Variants in RALGAPA1 observed in about 807,000 individuals in gnomAD.
RALGAPA1 encodes Ral GTPase activating protein catalytic subunit alpha 1, also known as ral GTPase-activating protein subunit alpha-1.
RALGAPA1 carries 52 observed loss-of-function variants against 269.6 expected under a neutral mutation model. The observed-to-expected ratio is 0.19, with a 90% CI of 0.15 to 0.24. The LOEUF (loss-of-function observed/expected upper bound fraction) is 0.24. RALGAPA1 is among the 10% of genes least tolerant of loss of function. The probability of loss-of-function intolerance (pLI) is 1.00; values close to 1 mark genes in which losing one functional copy is unlikely to be tolerated. For missense variants in RALGAPA1, 1,917 were observed against 3,013.9 expected, an observed-to-expected ratio of 0.64 and a Z score of 8.52; for synonymous variants, 817 against 1,008.3, an observed-to-expected ratio of 0.81 and a Z score of 3.60.
intron 39 of RALGAPA1, among the ~76,000 whole-genome samples, chr14:35,563,280 T>C (rs1263981228): frequency 2.0e-5 from 3 of 152,076 alleles, no homozygotes; most frequent in Non-Finnish European, 4.4e-5. Flanking sequence ...GTTTTTTTTC[T>C]TTTAAAACAA....
At chr14:35,581,842 C>T (rs1364343389) in intron 37 of RALGAPA1, among the ~76,000 whole-genome samples, 1 of 152,114 alleles carries the variant, frequency 6.6e-6, no homozygotes, top group African/African-American at 2.4e-5. Flanking sequence ...CAGAAAGCTA[C>T]ATATACAATT....
At chr14:35,796,995 G>A (rs1467563094) in intron 1 of RALGAPA1, among the ~76,000 whole-genome samples, 1 of 151,926 alleles carries the variant, frequency 6.6e-6, no homozygotes, top group Non-Finnish European at 1.5e-5. Flanking sequence ...CACCGTGTTA[G>A]CCAGGATGGT....
At chr14:35,754,187 T>C (rs986885200) in intron 7 of RALGAPA1, among the ~76,000 whole-genome samples, 1 of 152,150 alleles carries the variant, frequency 6.6e-6, no homozygotes, top group African/African-American at 2.4e-5. Flanking sequence ...GACATTTGAT[T>C]AGGCAAAGAT....
chr14:35,766,658 A>C, intron 4 of RALGAPA1: 1 of 695,586 alleles, frequency 1.4e-6, no homozygotes, highest in South Asian at 1.4e-5. Context: ...TTGTAAGAGG[A>C]AGAATTCTCT....
chr14:35,539,842 C>T (rs2053805879), intron 41 of RALGAPA1, 152 bp from the exon 42 acceptor site: 1 of 1,111,890 alleles, frequency 9.0e-7, no homozygotes, highest in Non-Finnish European at 1.3e-6. Context: ...GTTACAATAG[C>T]CTACTAATGT....
At chr14:35,631,494 G>T (rs1012561327) in intron 33 of RALGAPA1, among the ~76,000 whole-genome samples, 3 of 152,034 alleles carry the variant, frequency 2.0e-5, no homozygotes, top group African/African-American at 7.2e-5. Flanking sequence ...TAAAATTTTT[G>T]ATATAGAAAA....
At chr14:35,738,392 C>T in intron 12 of RALGAPA1, 121 bp downstream of exon 12, 1 of 545,210 alleles carries the variant, frequency 1.8e-6, no homozygotes, top group Non-Finnish European at 2.9e-6. Flanking sequence ...TAAAATATGG[C>T]ATAATGATAA....
Position 35,627,890 on chromosome 14 carries a change from C to T in RALGAPA1, c.6057G>A (p.Leu2019=). The change falls in exon 34 of 42, where the codon CTG becomes CTA. Residue 2019 remains leucine, a synonymous_variant. Transcript: ENST00000680220. ...TTGGATAATGGCCCAGGTGATTTAC[C>T]AGATGTGTAATAACAGTGCGGGCTG... ...SIAARTVITH[L]VNHLGHYPMS... The T allele has an allele frequency of 1.3e-6, 2 of 1,564,238 alleles. No homozygotes were observed. The highest frequency in any genetic ancestry group is 1.9e-5 in the Admixed American group (1 of 52,492).
intron 35 of RALGAPA1, among the ~76,000 whole-genome samples, chr14:35,618,904 T>G (rs1020506941): frequency 1.3e-5 from 2 of 152,084 alleles, no homozygotes; most frequent in African/African-American, 2.4e-5. Flanking sequence ...CTATAATTAC[T>G]AATGGGAAGA....
intron 35 of RALGAPA1, among the ~76,000 whole-genome samples, chr14:35,619,330 T>C (rs999442419): frequency 1.3e-5 from 2 of 152,162 alleles, no homozygotes; most frequent in Non-Finnish European, 2.9e-5. Flanking sequence ...AAACATCTTA[T>C]GTACCCCATT....
intron 36 of RALGAPA1, among the ~76,000 whole-genome samples, 165 bp downstream of exon 36, chr14:35,605,421 A>G (rs949162011): frequency 3.3e-5 from 5 of 152,168 alleles, no homozygotes; most frequent in African/African-American, 1.2e-4. Flanking sequence ...CAAAGTCCCA[A>G]CTGCTGCTGT....
chr14:35,796,665 T>C (rs1004541660), intron 1 of RALGAPA1, among the ~76,000 whole-genome samples: 1 of 151,598 alleles, frequency 6.6e-6, no homozygotes, highest in Non-Finnish European at 1.5e-5. Context: ...AAAAGTAAGA[T>C]ACAGATAATA....
chr14:35,621,528 T>C (rs1031202777), intron 35 of RALGAPA1, among the ~76,000 whole-genome samples: 7 of 152,072 alleles, frequency 4.6e-5, no homozygotes, highest in Non-Finnish European at 7.4e-5. Flanking sequence ...CTGATTAAAC[T>C]AAAGAGCTTC....
At chr14:35,759,860 C>T (rs2073549452) in intron 6 of RALGAPA1, among the ~76,000 whole-genome samples, 2 of 147,584 alleles carry the variant, frequency 1.4e-5, no homozygotes, top group African/African-American at 5.0e-5. Flanking sequence ...TGCAGTGAGC[C>T]AAGGCCATGC....
intron 16 of RALGAPA1, among the ~76,000 whole-genome samples, chr14:35,704,547 T>C (rs965997172): frequency 2.0e-5 from 3 of 152,186 alleles, no homozygotes; most frequent in South Asian, 2.1e-4. Flanking sequence ...ACAATTTCTA[T>C]CTGAAAATTC....
chr14:35,734,820 C>T (rs990616149), intron 12 of RALGAPA1, among the ~76,000 whole-genome samples: 6 of 152,066 alleles, frequency 3.9e-5, no homozygotes, highest in African/African-American at 1.4e-4. Context: ...GGACTAATAT[C>T]CAGAATCTAC....
At chr14:35,799,139 A>G (rs2076790775) in intron 1 of RALGAPA1, among the ~76,000 whole-genome samples, 1 of 152,240 alleles carries the variant, frequency 6.6e-6, no homozygotes, top group Admixed American at 6.5e-5. Context: ...ATAACATGAT[A>G]AGTAAAATAT....
At chr14:35,705,049 T>G (rs547216119) in intron 16 of RALGAPA1, among the ~76,000 whole-genome samples, 52 of 152,172 alleles carry the variant, frequency 3.4e-4, no homozygotes, top group African/African-American at 1.2e-3. Flanking sequence ...AAAAAATGAG[T>G]GTCAACTACA....
Position 35,805,399 on chromosome 14 carries a change from G to A in RALGAPA1, c.106+3331C>T, listed in dbSNP as rs192301820. Among the ~76,000 whole-genome samples, 5 of 149,196 alleles carry A rather than the reference G, an allele frequency of 3.4e-5. No homozygotes were observed. In the South Asian group the frequency reaches 6.4e-4, roughly 19 times the overall value. On this transcript the variant is annotated intron_variant, in intron 1 of 41. Coordinates refer to ENST00000680220, the MANE Select transcript of RALGAPA1 (RefSeq NM_001346249.2). ...GGAGGTTGCAGTGAGCCGAGATCGC[G>A]CCACTGCATTCCAGCCTGGGTGACA...
Sources: allele counts gnomAD v4.1 joint callset (sites outside exome capture counted in the v4.1 genomes callset), GRCh38; gene constraint gnomAD v4.1.1; transcripts MANE v1.5; gene names NCBI Gene and HGNC (gene_info 2026-07-23, HGNC 2026-07-21).